Variants in CELF2 observed in about 807,000 individuals in gnomAD.
The protein encoded by CELF2 is CUG triplet repeat RNA-binding protein 2.
CELF2 carries 8 observed loss-of-function variants against 62.6 expected under a neutral mutation model. The observed-to-expected ratio is 0.13, with a 90% confidence interval of 0.07 to 0.23. CELF2 has a LOEUF of 0.23. Among genes scored for constraint, CELF2 ranks in the 10% least tolerant of loss-of-function variants. CELF2 has a pLI of 1.00. For missense variants in CELF2, 333 were observed against 671.0 expected (o/e 0.50, Z 5.56); for synonymous variants, 258 against 250.0 (o/e 1.03, Z -0.30).
At chr10:10,712,523 C>T in the CELF2 span, among the ~76,000 whole-genome samples, 1 of 152,134 alleles carries the variant, frequency 6.6e-6, no homozygotes, top group Non-Finnish European at 1.5e-5. Context: ...TCCTTTCCTA[C>T]CCTCTTCTGA....
intron 3 of CELF2, among the ~76,000 whole-genome samples, chr10:11,245,177 A>C (rs545926255): frequency 6.6e-6 from 1 of 152,312 alleles, no homozygotes; most frequent in South Asian, 2.1e-4. Context: ...TATACTTTAA[A>C]ACTTTGAACT....
intron 8 of CELF2, among the ~76,000 whole-genome samples, chr10:11,282,510 G>A (rs2139286624): frequency 6.6e-6 from 1 of 152,356 alleles, no homozygotes; most frequent in South Asian, 2.1e-4. Context: ...GAGCTTGCCT[G>A]GCACGCGCTT....
At chr10:11,281,315 C>T (rs1195296669) in intron 8 of CELF2, among the ~76,000 whole-genome samples, 1 of 152,080 alleles carries the variant, frequency 6.6e-6, no homozygotes, top group Non-Finnish European at 1.5e-5. Flanking sequence ...CTCAGAAGCA[C>T]CAAGTTCAGG....
chr10:11,139,461 C>G (rs1235465987), intron 1 of CELF2, among the ~76,000 whole-genome samples: 1 of 152,098 alleles, frequency 6.6e-6, no homozygotes, highest in Non-Finnish European at 1.5e-5. Context: ...TTTAAACTGT[C>G]TAGAAAACTT....
intron 2 of CELF2, among the ~76,000 whole-genome samples, chr10:10,967,248 GA>G (rs1413236065): frequency 6.6e-6 from 1 of 152,204 alleles, no homozygotes; most frequent in Non-Finnish European, 1.5e-5. Flanking sequence ...GACCGCCTGG[GA>G]TTGGGCTGAA....
chr10:10,606,354 A>C, the CELF2 span, among the ~76,000 whole-genome samples: 1 of 152,208 alleles, frequency 6.6e-6, no homozygotes, highest in African/African-American at 2.4e-5. Context: ...CCTAAATCTT[A>C]ATCGCAGTCC....
At chr10:10,873,454 T>C (rs2060888220) in intron 1 of CELF2, among the ~76,000 whole-genome samples, 2 of 152,222 alleles carry the variant, frequency 1.3e-5, no homozygotes, top group South Asian at 4.1e-4. Flanking sequence ...GTTTCTTTAG[T>C]GACAACATCT....
At position 11,231,646 on chromosome 10, in the gene CELF2, G is replaced by GAA. The variant is rs11384558; in HGVS notation, c.354+14149_354+14150dup. On this transcript the variant is annotated intron_variant, in intron 3 of 12. Transcript: ENST00000633077. ...TTGCAACCAAATGATTAACTCTTCAGAAAAAAAAAAATCCTGTTTACTTAG... is the reference window on the plus strand; with the variant it reads ...TTGCAACCAAATGATTAACTCTTCAGAAAAAAAAAAAAATCCTGTTTACTTAG... 6.0e-3 allele frequency among the ~76,000 whole-genome samples: 874 copies of GAA among 145,294 alleles called. 1 individual carries two copies. The highest frequency in any genetic ancestry group is 8.4e-3 in the African/African-American group (329 of 39,260).
Position 11,046,235 on chromosome 10 carries a change from G to A in CELF2, c.74+28072G>A, listed in dbSNP as rs922815187. ...CGCTGGGCCCATCCCCAGACGTTCC[G>A]ATTCAGCGGGTCCAAGGTGGGGCTG... On this transcript the variant is annotated intron_variant, in intron 1 of 12. Coordinates refer to ENST00000633077, the MANE Select transcript of CELF2 (RefSeq NM_001326342.2). The surrounding 1 kb of genome is among the most constrained non-coding windows in gnomAD (Gnocchi z 4.6). 2.6e-5 allele frequency among the ~76,000 whole-genome samples: 4 copies of A among 152,200 alleles called. No homozygotes were observed. The highest frequency in any genetic ancestry group is 7.2e-5 in the African/African-American group (3 of 41,462).
chr10:11,059,168 A>G (rs1163717719), intron 1 of CELF2, among the ~76,000 whole-genome samples: 2 of 152,212 alleles, frequency 1.3e-5, no homozygotes, highest in African/African-American at 2.4e-5. Context: ...AACCATCACT[A>G]GAACGCAGGC....
chr10:11,134,687 A>G (rs1624142), intron 1 of CELF2, among the ~76,000 whole-genome samples: 23,807 of 152,206 alleles, frequency 0.16, 3,188 homozygotes, highest in East Asian at 0.68. Flanking sequence ...TGCTGAGTGA[A>G]TGAACACACG....
the CELF2 span, among the ~76,000 whole-genome samples, chr10:10,527,906 A>T: frequency 6.6e-6 from 1 of 152,264 alleles, no homozygotes. Context: ...GGAAACTAGC[A>T]GATTCATTGA....
intron 2 of CELF2, among the ~76,000 whole-genome samples, chr10:11,171,842 TTTC>T (rs2068972642): frequency 1.3e-5 from 1 of 79,314 alleles, no homozygotes; most frequent in Non-Finnish European, 2.7e-5. Flanking sequence ...AAACCATTTG[TTTC>T]TTCTTTAAAA....
the CELF2 span, among the ~76,000 whole-genome samples, chr10:10,637,273 G>T: frequency 2.6e-5 from 4 of 152,072 alleles, no homozygotes; most frequent in South Asian, 8.3e-4. Context: ...ATACCTTAGT[G>T]TCCCAGACTC....
Position 11,011,538 on chromosome 10 carries a change from TCTCTC to T in CELF2, c.53+6103_53+6107del, listed in dbSNP as rs2056465454. Among the ~76,000 whole-genome samples the T allele has an allele frequency of 6.6e-6, 1 of 151,910 alleles. No homozygotes were observed. The highest frequency in any genetic ancestry group is 2.4e-5 in the African/African-American group (1 of 41,350). On this transcript the variant is annotated intron_variant, in intron 1 of 12. Transcript: ENST00000416382. The surrounding 1 kb of genome is among the most constrained non-coding windows in gnomAD (Gnocchi z 4.6). ...TCCTCAGACCCTAATGTCATTTACA[TCTCTC>T]CTCTTCTCTTACCTGCCCTATTCCT...
At chr10:10,896,407 G>A (rs2062559341) in intron 1 of CELF2, among the ~76,000 whole-genome samples, 1 of 152,142 alleles carries the variant, frequency 6.6e-6, no homozygotes, top group Non-Finnish European at 1.5e-5. Flanking sequence ...TGTGTACTGG[G>A]TTGAATAGTG....
At chr10:11,119,410 C>A (rs1035944063) in intron 1 of CELF2, among the ~76,000 whole-genome samples, 1 of 151,200 alleles carries the variant, frequency 6.6e-6, no homozygotes, top group African/African-American at 2.4e-5. Flanking sequence ...GGATAGCAGA[C>A]CTCATTTCTT....
chr10:11,226,752 G>A (rs536663059), intron 3 of CELF2, among the ~76,000 whole-genome samples: 23 of 151,960 alleles, frequency 1.5e-4, no homozygotes, highest in Non-Finnish European at 2.9e-4. Flanking sequence ...AGCGAGCGAG[G>A]CAAGGTATTT....
chr10:11,329,129 G>A lies in CELF2; in HGVS notation c.*76G>A, dbSNP rs2095911278. The A allele has an allele frequency of 6.9e-7, 1 of 1,448,526 alleles. No homozygotes were observed. The highest frequency in any genetic ancestry group is 1.4e-5 in the South Asian group (1 of 69,964). 89.7% of individuals were successfully genotyped at this position (1,448,526 alleles called of 1,614,324 possible). The stretch of plus-strand genomic sequence containing the variant: ...CCCACGAGCCAGCCTGTCTCAACAG[G>A]GAAGGCAGAGGAGGACCACATTGCC... On this transcript the variant is annotated 3_prime_UTR_variant, in exon 13 of 13. Transcript: ENST00000633077. This position sits in a 1 kb window ranked among gnomAD's most constrained non-coding sequence, Gnocchi z 5.5.
Sources: gnomAD v4.1 joint callset for allele counts (sites outside exome capture counted in the v4.1 genomes callset) on GRCh38, gnomAD v4.1.1 for gene constraint, Gnocchi (gnomAD v3.1) non-coding constraint, MANE v1.5 for transcripts, NCBI Gene and HGNC (gene_info 2026-07-23, HGNC 2026-07-21) for gene names.